The following CSMD3 variants were observed in gnomAD, a reference collection of about 807,000 sequenced individuals.
CSMD3 encodes the protein CUB and sushi domain-containing protein 3.
A neutral mutation model predicts 435.2 loss-of-function variants in CSMD3; 177 were observed. The ratio of observed to expected loss-of-function variants is 0.41; its 90% confidence interval spans 0.36 to 0.46. The LOEUF is 0.46. Ranked by LOEUF, CSMD3 falls within the 20% of genes least tolerant of loss-of-function variation. The probability of loss-of-function intolerance (pLI) is 0.34; values close to 1 mark genes in which losing one functional copy is unlikely to be tolerated. For missense variants in CSMD3, 4,265 were observed against 4,504.6 expected (o/e 0.95, Z 1.52); for synonymous variants, 1,656 against 1,520.5 (o/e 1.09, Z -2.07).
At chr8:113,012,312 T>C (rs2086284438) in intron 6 of CSMD3, among the ~76,000 whole-genome samples, 1 of 151,872 alleles carries the variant, frequency 6.6e-6, no homozygotes, top group Non-Finnish European at 1.5e-5. Context: ...AAAATATATA[T>C]ATATTTATTG....
chr8:112,432,591 A>G (rs1190455156), intron 32 of CSMD3, among the ~76,000 whole-genome samples: 1 of 152,060 alleles, frequency 6.6e-6, no homozygotes, highest in Non-Finnish European at 1.5e-5. Flanking sequence ...GGGATTAAAG[A>G]TGTGGGCCAC....
intron 45 of CSMD3, among the ~76,000 whole-genome samples, chr8:112,332,700 C>T (rs561310978): frequency 6.6e-5 from 10 of 152,196 alleles, no homozygotes; most frequent in East Asian, 5.8e-4. Context: ...AAACAGTAGG[C>T]TTCATTAGGC....
chr8:112,317,323 T>A (rs1400391712), intron 47 of CSMD3, among the ~76,000 whole-genome samples: 2 of 151,944 alleles, frequency 1.3e-5, no homozygotes, highest in Non-Finnish European at 2.9e-5. Context: ...TCGTAAAAAA[T>A]TTTTTGAATT....
At chr8:113,101,873 T>A (rs1198330573) in intron 4 of CSMD3, among the ~76,000 whole-genome samples, 1 of 152,000 alleles carries the variant, frequency 6.6e-6, no homozygotes, top group African/African-American at 2.4e-5. Flanking sequence ...TAAAAAAAAT[T>A]TTGGTTTGGT....
At position 112,913,718 on chromosome 8, in the gene CSMD3, T is replaced by C. The variant is rs189841576; in HGVS notation, c.1633+7909A>G. On this transcript the variant is annotated intron_variant, in intron 10 of 70. Transcript: ENST00000297405. The stretch of plus-strand genomic sequence containing the variant: ...TCCTTCTTTCTCTCTCCCTCTACGG[T>C]TCCTTTCATCACCCTGTGGCTTTAT... Among the ~76,000 whole-genome samples, 6 of 151,090 alleles carry C rather than the reference T, an allele frequency of 4.0e-5. 1 individual carries two copies. Among genetic ancestry groups the C allele is most frequent in the Admixed American group, 3.3e-4 (5 of 15,084 alleles).
chr8:112,765,251 G>A (rs902615323), intron 13 of CSMD3, among the ~76,000 whole-genome samples: 2 of 151,392 alleles, frequency 1.3e-5, no homozygotes, highest in African/African-American at 4.8e-5. Flanking sequence ...TTAATTGTCA[G>A]GCAAAAAATG....
intron 27 of CSMD3, among the ~76,000 whole-genome samples, chr8:112,540,061 C>T (rs999656884): frequency 6.6e-6 from 1 of 151,546 alleles, no homozygotes; most frequent in African/African-American, 2.4e-5. Flanking sequence ...AGCAAAAAAA[C>T]ACAACAAAAC....
intron 23 of CSMD3, among the ~76,000 whole-genome samples, chr8:112,585,613 A>T (rs1396309029): frequency 6.6e-6 from 1 of 151,714 alleles, no homozygotes; most frequent in Non-Finnish European, 1.5e-5. Context: ...AAATAATACC[A>T]GTATAGGAAA....
At chr8:113,145,535 A>G (rs994477554) in intron 4 of CSMD3, among the ~76,000 whole-genome samples, 1 of 151,594 alleles carries the variant, frequency 6.6e-6, no homozygotes, top group Non-Finnish European at 1.5e-5. Flanking sequence ...ATAATTGTAA[A>G]GACGTATTTT....
intron 3 of CSMD3, among the ~76,000 whole-genome samples, chr8:113,217,524 T>C (rs1052341866): frequency 6.6e-6 from 1 of 151,688 alleles, no homozygotes; most frequent in African/African-American, 2.4e-5. Context: ...ATTAAAGCTA[T>C]AAAAACATTA....
chr8:113,052,110 T>C (rs1428677155), intron 5 of CSMD3, among the ~76,000 whole-genome samples: 4 of 152,212 alleles, frequency 2.6e-5, no homozygotes, highest in African/African-American at 9.6e-5. Context: ...AGTTACATAT[T>C]TAATAAGTAA....
chr8:113,196,936 CAATCTCAGGTAAGTACTT>C (rs1162117920), intron 3 of CSMD3, among the ~76,000 whole-genome samples: 3 of 150,572 alleles, frequency 2.0e-5, no homozygotes, highest in Non-Finnish European at 3.0e-5. Context: ...TCTGTTTGTG[CAATCTCAGGTAAGTACTT>C]AACCCCTCTG....
intron 16 of CSMD3, among the ~76,000 whole-genome samples, chr8:112,671,727 G>C (rs986301713): frequency 2.6e-5 from 4 of 151,984 alleles, no homozygotes; most frequent in African/African-American, 9.7e-5. Flanking sequence ...TAAATTCCTA[G>C]TTAAGAATTA....
intron 38 of CSMD3, among the ~76,000 whole-genome samples, chr8:112,357,996 C>T (rs1381160233): frequency 6.6e-6 from 1 of 152,118 alleles, no homozygotes; most frequent in Non-Finnish European, 1.5e-5. Context: ...ACAAAAGCTG[C>T]AGACACTCAA....
At chr8:112,304,661 T>C (rs1821248203) in intron 52 of CSMD3, 60 bp downstream of exon 52, 6 of 1,281,692 alleles carry the variant, frequency 4.7e-6, no homozygotes, top group Middle Eastern at 1.8e-4. Context: ...AGGAACTGAT[T>C]CAAACAATTC....
In CSMD3 at chr8:113,264,859, C is replaced by T. The variant is rs115556339; in HGVS notation, c.514+13733G>A. 3.1e-3 allele frequency among the ~76,000 whole-genome samples: 469 copies of T among 151,676 alleles called. 2 individuals are homozygous for T. The highest frequency in any genetic ancestry group is 9.5e-3 in the African/African-American group (392 of 41,454). ...ATTCATTGGAGTTTTAATTCCTTAA[C>T]GTAGGAGATGTATTAAACCATTCCT... On this transcript the variant is annotated intron_variant, in intron 3 of 70. Coordinates refer to ENST00000297405, the MANE Select transcript of CSMD3 (RefSeq NM_198123.2).
chr8:112,967,210 CTTA>C (rs1370513206), intron 7 of CSMD3, among the ~76,000 whole-genome samples: 1 of 151,794 alleles, frequency 6.6e-6, no homozygotes, highest in Non-Finnish European at 1.5e-5. Context: ...ATTTCTGTAT[CTTA>C]TTATTTGTCT....
intron 22 of CSMD3, among the ~76,000 whole-genome samples, chr8:112,600,251 A>G (rs1285756498): frequency 1.3e-5 from 2 of 152,192 alleles, no homozygotes; most frequent in East Asian, 3.9e-4. Flanking sequence ...ACCAAAAATG[A>G]CAAGAAATTC....
At chr8:112,399,119 G>C (rs1051783964) in intron 35 of CSMD3, among the ~76,000 whole-genome samples, 2 of 151,798 alleles carry the variant, frequency 1.3e-5, no homozygotes, top group Non-Finnish European at 2.9e-5. Context: ...GTTTCACCAC[G>C]CTGGCCAGGG....
Sources: gnomAD v4.1 joint callset for allele counts (sites outside exome capture counted in the v4.1 genomes callset) on GRCh38, gnomAD v4.1.1 for gene constraint, MANE v1.5 for transcripts, NCBI Gene and HGNC (gene_info 2026-07-23, HGNC 2026-07-21) for gene names.